SCHIP1: variants seen among roughly 807,000 people sequenced by gnomAD.
The protein encoded by SCHIP1 is schwannomin-interacting protein 1.
A neutral mutation model predicts 29.7 loss-of-function variants in SCHIP1; 8 were observed. That is an observed-to-expected ratio of 0.27 (90% confidence interval 0.16 to 0.49). The LOEUF is 0.49. Among genes scored for constraint, SCHIP1 ranks in the 20% least tolerant of loss-of-function variants. SCHIP1 has a pLI of 0.99. For synonymous variants in SCHIP1, 76 were observed against 94.9 expected (o/e 0.80, Z 1.16); for missense variants, 193 against 294.6 (o/e 0.66, Z 2.52).
chr3:159,895,885 AGGGTTTTGCCATGT>A lies in SCHIP1; in HGVS notation c.684-837_684-824del, dbSNP rs1243944346. ...TAATTTTTGTATTTTTAGTAAAGGC[AGGGTTTTGCCATGT>A]TGGCCAGGCTGGTCTCAAACTCCTG... On this transcript the variant is annotated intron_variant, in intron 6 of 6. Coordinates refer to ENST00000445224, the Ensembl canonical transcript of SCHIP1. Among the ~76,000 whole-genome samples, 4 of 152,274 alleles carry A rather than the reference AGGGTTTTGCCATGT, an allele frequency of 2.6e-5. 1 individual carries two copies. The South Asian group carries it at 8.3e-4, about 32-fold the overall frequency.
the SCHIP1 span, chr3:159,764,392 A>G: frequency 6.6e-7 from 1 of 1,505,164 alleles, no homozygotes; most frequent in Non-Finnish European, 8.9e-7. This position sits in a 1 kb window ranked among gnomAD's most constrained non-coding sequence, Gnocchi z 6.1. Context: ...GGGTGGCGGG[A>G]GGCTGGAGCA....
the SCHIP1 span, among the ~76,000 whole-genome samples, chr3:159,330,339 A>G: frequency 1.4e-4 from 21 of 152,308 alleles, no homozygotes; most frequent in Middle Eastern, 6.8e-3. Flanking sequence ...GTCATGAGAA[A>G]TGTATTAAGA....
At chr3:159,634,277 A>G in the SCHIP1 span, among the ~76,000 whole-genome samples, 1 of 152,190 alleles carries the variant, frequency 6.6e-6, no homozygotes, top group South Asian at 2.1e-4. Context: ...GTAGAAATGA[A>G]GAATGGAAGA....
intron 1 of SCHIP1, among the ~76,000 whole-genome samples, chr3:159,865,278 T>C (rs13066040): frequency 0.2 from 30,076 of 152,162 alleles, 3,233 homozygotes; most frequent in Middle Eastern, 0.3. Flanking sequence ...ATGTTGTTTG[T>C]TTTTTGTAGT....
chr3:159,760,847 G>A, the SCHIP1 span, among the ~76,000 whole-genome samples: 1 of 151,580 alleles, frequency 6.6e-6, no homozygotes, highest in Non-Finnish European at 1.5e-5. Context: ...TTATATGAAT[G>A]TTTGGCCTAT....
the SCHIP1 span, among the ~76,000 whole-genome samples, chr3:159,739,734 G>C: frequency 1.7e-4 from 26 of 151,892 alleles, no homozygotes; most frequent in Admixed American, 3.3e-4. Context: ...ATTTGATTTG[G>C]GTTTGTAAAA....
At chr3:159,855,105 T>C (rs1713194791) in intron 1 of SCHIP1, among the ~76,000 whole-genome samples, 2 of 152,242 alleles carry the variant, frequency 1.3e-5, no homozygotes, top group Non-Finnish European at 2.9e-5. Context: ...AACTTCTAGA[T>C]GTGTGGAGTG....
the SCHIP1 span, among the ~76,000 whole-genome samples, chr3:159,824,043 A>G: frequency 6.6e-6 from 1 of 152,192 alleles, no homozygotes; most frequent in Non-Finnish European, 1.5e-5. Flanking sequence ...TCCTTTGTAA[A>G]CAAGAACGTA....
At chr3:159,391,094 T>C in the SCHIP1 span, among the ~76,000 whole-genome samples, 4 of 152,188 alleles carry the variant, frequency 2.6e-5, no homozygotes, top group East Asian at 5.8e-4. Flanking sequence ...GTCAACATGA[T>C]GAATGTGGGG....
the SCHIP1 span, among the ~76,000 whole-genome samples, chr3:159,354,338 A>C: frequency 2.0e-5 from 3 of 152,192 alleles, no homozygotes; most frequent in African/African-American, 7.2e-5. Flanking sequence ...CTGCATCCTA[A>C]TTAGACACAT....
chr3:159,776,737 G>C, the SCHIP1 span, among the ~76,000 whole-genome samples: 1 of 152,202 alleles, frequency 6.6e-6, no homozygotes, highest in Non-Finnish European at 1.5e-5. Flanking sequence ...CAGATGAACA[G>C]TTGTGTCTGT....
At chr3:159,715,255 T>C in the SCHIP1 span, among the ~76,000 whole-genome samples, 3 of 152,092 alleles carry the variant, frequency 2.0e-5, no homozygotes, top group African/African-American at 7.2e-5. Context: ...ATCACCATCA[T>C]CAAAGACCAA....
intron 2 of SCHIP1, among the ~76,000 whole-genome samples, chr3:159,869,977 T>A (rs1225481073): frequency 3.3e-5 from 5 of 151,986 alleles, no homozygotes; most frequent in African/African-American, 9.7e-5. Flanking sequence ...TTCTAGATAC[T>A]TGCTATTCTG....
At chr3:159,864,965 G>A (rs1714462420) in intron 1 of SCHIP1, among the ~76,000 whole-genome samples, 2 of 152,172 alleles carry the variant, frequency 1.3e-5, no homozygotes, top group Non-Finnish European at 2.9e-5. Context: ...ATATTAGACA[G>A]AGAAGCCTTA....
chr3:159,558,021 G>A, the SCHIP1 span, among the ~76,000 whole-genome samples: 7 of 152,266 alleles, frequency 4.6e-5, no homozygotes, highest in East Asian at 1.9e-4. Context: ...TAAATTCCCC[G>A]CCCCATTCAA....
chr3:159,661,810 A>G, the SCHIP1 span, among the ~76,000 whole-genome samples: 36 of 152,258 alleles, frequency 2.4e-4, no homozygotes, highest in Middle Eastern at 0.01. Flanking sequence ...TTTACTTCCC[A>G]AAGTCAGTGC....
chr3:159,518,238 A>G, the SCHIP1 span, among the ~76,000 whole-genome samples: 1 of 152,150 alleles, frequency 6.6e-6, no homozygotes, highest in Non-Finnish European at 1.5e-5. Flanking sequence ...TAATAAAAAT[A>G]AAAACACACC....
the SCHIP1 span, among the ~76,000 whole-genome samples, chr3:159,351,911 A>G: frequency 6.6e-5 from 10 of 152,194 alleles, no homozygotes; most frequent in African/African-American, 2.2e-4. Context: ...ATCCCTACCA[A>G]TGTGGAAAAT....
At chr3:159,318,732 A>G in the SCHIP1 span, among the ~76,000 whole-genome samples, 1 of 152,154 alleles carries the variant, frequency 6.6e-6, no homozygotes, top group Non-Finnish European at 1.5e-5. Context: ...TTGTGCCTTC[A>G]GGGCCTGCTC....
Sources: allele counts gnomAD v4.1 joint callset (sites outside exome capture counted in the v4.1 genomes callset), GRCh38; gene constraint gnomAD v4.1.1; non-coding constraint Gnocchi (gnomAD v3.1); transcripts MANE v1.5; gene names NCBI Gene and HGNC (gene_info 2026-07-23, HGNC 2026-07-21).